LRRC4C: variants seen among roughly 807,000 people sequenced by gnomAD.
LRRC4C encodes leucine-rich repeat-containing protein 4C.
Under a neutral mutation model 33.6 loss-of-function variants are expected in LRRC4C, and 5 were observed. The observed-to-expected ratio is 0.15, with a 90% CI of 0.08 to 0.31. The LOEUF (loss-of-function observed/expected upper bound fraction) is 0.31. Among genes scored for constraint, LRRC4C ranks in the 10% least tolerant of loss-of-function variants. The pLI is 1.00. For synonymous variants in LRRC4C, 329 were observed against 302.0 expected, an observed-to-expected ratio of 1.09 and a Z score of -0.93; for missense variants, 560 against 796.7, an observed-to-expected ratio of 0.70 and a Z score of 3.58.
chr11:41,218,035 C>T (rs532789514), intron 1 of LRRC4C, among the ~76,000 whole-genome samples: 1 of 152,034 alleles, frequency 6.6e-6, no homozygotes, highest in Non-Finnish European at 1.5e-5. Context: ...ATGAGGCCTA[C>T]TCTCCTCTTT....
intron 1 of LRRC4C, among the ~76,000 whole-genome samples, chr11:41,069,369 A>T (rs1938509247): frequency 6.6e-6 from 1 of 152,192 alleles, no homozygotes; most frequent in Non-Finnish European, 1.5e-5. Context: ...CAAGACAAGG[A>T]TGCCCTCTCT....
chr11:40,712,977 C>T lies in LRRC4C; in HGVS notation c.-406-64699G>A, dbSNP rs191726481. ...GATCTTGGTTCACTGCAACCTCAGC[C>T]TCTTGGGTTCAAATGATTCTCCTGC... On this transcript the variant is annotated intron_variant, in intron 2 of 6. Transcript: ENST00000528697. Among the ~76,000 whole-genome samples, 295 of 151,670 alleles carry T rather than the reference C, an allele frequency of 1.9e-3. 2 individuals carry two copies. Among genetic ancestry groups the T allele is most frequent in the African/African-American group, 6.8e-3 (283 of 41,316 alleles).
chr11:41,344,516 G>A (rs1252398187), intron 1 of LRRC4C, among the ~76,000 whole-genome samples: 1 of 152,108 alleles, frequency 6.6e-6, no homozygotes, highest in East Asian at 1.9e-4. Flanking sequence ...CACCGCGCCC[G>A]GCCAAAGCCT....
chr11:41,304,530 A>C, intron 1 of LRRC4C, among the ~76,000 whole-genome samples: 1 of 39,834 alleles, frequency 2.5e-5, no homozygotes, highest in Admixed American at 2.7e-4. Context: ...AGGTGGGGGT[A>C]TCAGCCCCCC....
chr11:41,092,505 A>C (rs1290944774), intron 1 of LRRC4C, among the ~76,000 whole-genome samples: 2 of 152,222 alleles, frequency 1.3e-5, no homozygotes, highest in African/African-American at 4.8e-5. Context: ...TTGCATCAAA[A>C]GGCTATAATA....
intron 2 of LRRC4C, among the ~76,000 whole-genome samples, chr11:40,807,405 G>A (rs998611204): frequency 1.3e-5 from 2 of 152,104 alleles, no homozygotes; most frequent in East Asian, 1.9e-4. Context: ...CAAACAAACC[G>A]TGAGCACACC....
chr11:40,392,336 T>A (rs547005018), intron 3 of LRRC4C, among the ~76,000 whole-genome samples: 63 of 152,302 alleles, frequency 4.1e-4, no homozygotes, highest in African/African-American at 1.5e-3. Context: ...TGTATCAATA[T>A]TGGTTTGTCA....
chr11:40,506,395 C>T (rs968071803), intron 3 of LRRC4C, among the ~76,000 whole-genome samples: 16 of 152,126 alleles, frequency 1.1e-4, no homozygotes, highest in Admixed American at 7.9e-4. Flanking sequence ...CATTTTACTT[C>T]CTTCACACAG....
chr11:40,941,206 T>C (rs1415898548), intron 1 of LRRC4C, among the ~76,000 whole-genome samples: 7 of 152,072 alleles, frequency 4.6e-5, no homozygotes, highest in African/African-American at 1.7e-4. Flanking sequence ...AAAATAATGT[T>C]AGTCATGATA....
chr11:40,472,846 G>A (rs1413903048), intron 3 of LRRC4C, among the ~76,000 whole-genome samples: 1 of 152,068 alleles, frequency 6.6e-6, no homozygotes, highest in Non-Finnish European at 1.5e-5. Flanking sequence ...AAATAAACTA[G>A]AAAATCTAGA....
At chr11:41,066,394 C>T (rs1218631416) in intron 1 of LRRC4C, among the ~76,000 whole-genome samples, 1 of 152,050 alleles carries the variant, frequency 6.6e-6, no homozygotes, top group African/African-American at 2.4e-5. Flanking sequence ...ATGGACAAAA[C>T]CTCCAAGAAA....
At chr11:40,213,398 C>T (rs527486801) in intron 5 of LRRC4C, among the ~76,000 whole-genome samples, 16 of 152,044 alleles carry the variant, frequency 1.1e-4, no homozygotes, top group African/African-American at 3.6e-4. Context: ...GAATATGTCA[C>T]GCTGGACAAA....
At chr11:41,110,705 T>C (rs979574513) in intron 1 of LRRC4C, among the ~76,000 whole-genome samples, 6 of 152,050 alleles carry the variant, frequency 3.9e-5, no homozygotes, top group African/African-American at 1.4e-4. Flanking sequence ...AAGGTCAATA[T>C]TTCATCTCTT....
At chr11:41,071,652 A>G (rs376300294) in intron 1 of LRRC4C, among the ~76,000 whole-genome samples, 3 of 152,216 alleles carry the variant, frequency 2.0e-5, no homozygotes, top group Non-Finnish European at 4.4e-5. Context: ...GCCTGCTAAC[A>G]GTATTCATTC....
At chr11:40,244,758 C>T (rs1037410) in intron 4 of LRRC4C, among the ~76,000 whole-genome samples, 116,122 of 151,624 alleles carry the variant, frequency 0.77, 48,705 homozygotes, top group East Asian at 0.95. Context: ...CTGAAGTACA[C>T]GTTATGTAAA....
At chr11:41,303,504 GCCA>G (rs1950350401) in intron 1 of LRRC4C, among the ~76,000 whole-genome samples, 1 of 128,942 alleles carries the variant, frequency 7.8e-6, no homozygotes. Context: ...CTGCCCGGCC[GCCA>G]CCCCATCTGG....
intron 2 of LRRC4C, among the ~76,000 whole-genome samples, chr11:40,699,700 A>G (rs1278593854): frequency 1.3e-5 from 2 of 152,208 alleles, no homozygotes; most frequent in African/African-American, 4.8e-5. Context: ...ACACACACAC[A>G]TATAATTTCT....
At chr11:40,597,421 G>C (rs1399402779) in intron 3 of LRRC4C, among the ~76,000 whole-genome samples, 1 of 151,850 alleles carries the variant, frequency 6.6e-6, no homozygotes, top group Admixed American at 6.6e-5. Flanking sequence ...CCATATCCTG[G>C]GAATATTGTC....
At chr11:41,043,692 G>A (rs534568142) in intron 1 of LRRC4C, among the ~76,000 whole-genome samples, 1 of 151,670 alleles carries the variant, frequency 6.6e-6, no homozygotes, top group East Asian at 2.0e-4. Flanking sequence ...GTAAATAAAT[G>A]AGCTATTGTG....
Sources: gnomAD v4.1 joint callset for allele counts (sites outside exome capture counted in the v4.1 genomes callset) on GRCh38, gnomAD v4.1.1 for gene constraint, MANE v1.5 for transcripts, NCBI Gene and HGNC (gene_info 2026-07-23, HGNC 2026-07-21) for gene names.